Variants in LRP1B observed in about 807,000 individuals in gnomAD.
LRP1B encodes low-density lipoprotein receptor-related protein 1B.
A neutral mutation model predicts 556.6 loss-of-function variants in LRP1B; 217 were observed. The ratio of observed to expected loss-of-function variants is 0.39; its 90% confidence interval spans 0.35 to 0.44. The LOEUF (loss-of-function observed/expected upper bound fraction) is 0.44, where lower values mean the gene tolerates loss of function less well. Among genes scored for constraint, LRP1B ranks in the 20% least tolerant of loss-of-function variants. The pLI, the probability that LRP1B is intolerant of heterozygous loss-of-function variation, is 1.00. For synonymous variants in LRP1B, 2,047 were observed against 1,865.8 expected, an observed-to-expected ratio of 1.10 and a Z score of -2.50; for missense variants, 5,053 against 5,620.8, an observed-to-expected ratio of 0.90 and a Z score of 3.23.
chr2:140,246,422 T>C (rs1681164041), intron 87 of LRP1B, among the ~76,000 whole-genome samples: 1 of 151,390 alleles, frequency 6.6e-6, no homozygotes, highest in African/African-American at 2.4e-5. Context: ...TGAAAAACTT[T>C]ATAACATCAT....
intron 66 of LRP1B, among the ~76,000 whole-genome samples, chr2:140,412,372 A>T (rs542304336): frequency 6.6e-6 from 1 of 152,256 alleles, no homozygotes; most frequent in African/African-American, 2.4e-5. Context: ...CTCATCAGAG[A>T]AGAGGAAAAT....
intron 2 of LRP1B, among the ~76,000 whole-genome samples, chr2:141,643,449 C>T (rs945833280): frequency 1.1e-4 from 17 of 152,016 alleles, no homozygotes; most frequent in Admixed American, 2.6e-4. Flanking sequence ...TAAAGTTAGA[C>T]GGAGAGGAAT....
At chr2:140,360,136 C>G (rs546847551) in intron 72 of LRP1B, among the ~76,000 whole-genome samples, 1 of 151,732 alleles carries the variant, frequency 6.6e-6, no homozygotes, top group South Asian at 2.1e-4. Flanking sequence ...ACCATTTATT[C>G]TACATTTATC....
rs200120339 is a variant in LRP1B, at chr2:140,820,614, C to CT, written c.5210-6809dup. On this transcript the variant is annotated intron_variant, in intron 31 of 90. Transcript: ENST00000389484. Reference sequence around the variant, plus strand: ...AACGAAATTATTTTTTAAGTGTTTTCTTTTAAAAGCATTTTAAAAGCTTTA... The same window carrying CT: ...AACGAAATTATTTTTTAAGTGTTTTCTTTTTAAAAGCATTTTAAAAGCTTTA... 2.6e-5 allele frequency among the ~76,000 whole-genome samples: 4 copies of CT among 152,130 alleles called. No homozygotes were observed. The South Asian group carries it at 8.3e-4, about 32-fold the overall frequency.
rs1022083861 is a variant in LRP1B at position 141,879,552 on chromosome 2, GT to G, written c.83-69152del. Among the ~76,000 whole-genome samples, 12 of 151,124 alleles carry G rather than the reference GT, an allele frequency of 7.9e-5. No homozygotes were observed. In the South Asian group the frequency reaches 2.1e-3, roughly 26 times the overall value. The stretch of plus-strand genomic sequence containing the variant: ...AGTCACTTCTGCTCTTCTATCCAGG[GT>G]TTTTTTTTGTCACAGAAACTTTCAA... On this transcript the variant is annotated intron_variant, in intron 1 of 90. Transcript: ENST00000389484.
intron 21 of LRP1B, 100 bp from the exon 22 acceptor site, chr2:140,908,177 CT>C: frequency 1.1e-6 from 1 of 897,008 alleles, no homozygotes; most frequent in Non-Finnish European, 1.7e-6. Context: ...AATTACTTGT[CT>C]TTAGCAAAAG....
chr2:141,511,355 C>T (rs1684124768), intron 2 of LRP1B, among the ~76,000 whole-genome samples: 1 of 152,158 alleles, frequency 6.6e-6, no homozygotes, highest in Admixed American at 6.6e-5. Context: ...TCACAGACAA[C>T]ATCCTAACCG....
intron 1 of LRP1B, among the ~76,000 whole-genome samples, chr2:141,968,955 CTTTT>C (rs970221396): frequency 2.0e-5 from 3 of 151,216 alleles, no homozygotes; most frequent in African/African-American, 7.3e-5. Flanking sequence ...TTCTTTTTTT[CTTTT>C]TTTTAACTTT....
intron 82 of LRP1B, among the ~76,000 whole-genome samples, chr2:140,315,586 A>T (rs1684486382): frequency 6.6e-6 from 1 of 151,974 alleles, no homozygotes; most frequent in Admixed American, 6.6e-5. Context: ...CAATTTTTAA[A>T]TTTTTTGTAG....
chr2:140,861,347 C>T (rs1289394548), intron 27 of LRP1B, among the ~76,000 whole-genome samples: 3 of 152,154 alleles, frequency 2.0e-5, no homozygotes, highest in Non-Finnish European at 4.4e-5. Flanking sequence ...GCGGAGGTTG[C>T]AGTGAGCCAA....
intron 85 of LRP1B, among the ~76,000 whole-genome samples, chr2:140,273,223 A>T (rs1682538750): frequency 6.6e-6 from 1 of 151,926 alleles, no homozygotes; most frequent in African/African-American, 2.4e-5. Flanking sequence ...GCTTATCCTG[A>T]TATGGTGCAC....
chr2:140,444,778 TATC>T, intron 63 of LRP1B, 99 bp from the exon 64 acceptor site: 1 of 722,204 alleles, frequency 1.4e-6, no homozygotes, highest in Non-Finnish European at 2.4e-6. Context: ...ATAATAAATA[TATC>T]CTGGAATACA....
intron 86 of LRP1B, among the ~76,000 whole-genome samples, chr2:140,256,487 T>A (rs865796757): frequency 0.031 from 2,459 of 79,314 alleles, 188 homozygotes; most frequent in African/African-American, 0.11. Context: ...TTTTTTTTTT[T>A]AAGACAGAGT....
chr2:140,654,843 A>G (rs77332351), intron 41 of LRP1B, among the ~76,000 whole-genome samples: 9,161 of 152,166 alleles, frequency 0.06, 319 homozygotes, highest in Admixed American at 0.079. Context: ...TGCTCTCCGT[A>G]TTGTTCACTC....
At chr2:141,767,396 T>C (rs1388945490) in intron 2 of LRP1B, among the ~76,000 whole-genome samples, 5 of 152,056 alleles carry the variant, frequency 3.3e-5, no homozygotes, top group African/African-American at 1.2e-4. Flanking sequence ...GGAGAAAGCA[T>C]GTAATTACTA....
chr2:140,612,086 T>C (rs1683091670), intron 41 of LRP1B, among the ~76,000 whole-genome samples: 1 of 152,084 alleles, frequency 6.6e-6, no homozygotes, highest in Non-Finnish European at 1.5e-5. Context: ...GATTGTTTCT[T>C]AAGTACCTAC....
chr2:140,539,524 G>C (rs965342873), intron 45 of LRP1B, among the ~76,000 whole-genome samples: 2 of 152,064 alleles, frequency 1.3e-5, no homozygotes, highest in Non-Finnish European at 2.9e-5. Flanking sequence ...CTCGTCAACA[G>C]AGAGAAGCTT....
At chr2:142,119,411 A>T (rs1259660866) in intron 1 of LRP1B, among the ~76,000 whole-genome samples, 2 of 152,184 alleles carry the variant, frequency 1.3e-5, no homozygotes, top group African/African-American at 4.8e-5. Flanking sequence ...GCTCTTCATA[A>T]CCTAAAAACA....
chr2:141,960,291 CT>C (rs1357200643), intron 1 of LRP1B, among the ~76,000 whole-genome samples: 1 of 151,764 alleles, frequency 6.6e-6, no homozygotes, highest in Non-Finnish European at 1.5e-5. Flanking sequence ...ATCCCTGTTC[CT>C]CTGACTCTTG....
Sources: allele counts gnomAD v4.1 joint callset (sites outside exome capture counted in the v4.1 genomes callset), GRCh38; gene constraint gnomAD v4.1.1; transcripts MANE v1.5; gene names NCBI Gene and HGNC (gene_info 2026-07-23, HGNC 2026-07-21).